CLPB: variants seen among roughly 807,000 people sequenced by gnomAD.
CLPB encodes the protein ClpB family mitochondrial disaggregase.
A neutral mutation model predicts 78.4 loss-of-function variants in CLPB; 40 were observed. The observed-to-expected ratio is 0.51, with a 90% CI of 0.40 to 0.66. The LOEUF is 0.66. CLPB is among the 30% of genes least tolerant of loss of function. CLPB has a pLI of 0.00. For synonymous variants in CLPB, 333 were observed against 348.0 expected, an observed-to-expected ratio of 0.96 and a Z score of 0.48; for missense variants, 780 against 886.9, an observed-to-expected ratio of 0.88 and a Z score of 1.53.
chr11:72,359,664 C>T (rs147956588), intron 4 of CLPB, among the ~76,000 whole-genome samples: 1 of 152,262 alleles, frequency 6.6e-6, no homozygotes, highest in East Asian at 1.9e-4. Flanking sequence ...ATCTCAGTGA[C>T]TTGAGAAACT....
intron 2 of CLPB, chr11:72,412,109 A>C (rs1182286958): frequency 6.6e-6 from 1 of 152,284 alleles, no homozygotes; most frequent in Non-Finnish European, 1.5e-5. Flanking sequence ...AAGGGAGCAA[A>C]GGCTGCTCAT....
chr11:72,304,834 A>C (rs1240087150), intron 9 of CLPB, among the ~76,000 whole-genome samples: 2 of 152,156 alleles, frequency 1.3e-5, no homozygotes, highest in Non-Finnish European at 2.9e-5. Context: ...CTGTTTGGTA[A>C]AAGTCTATTT....
intron 3 of CLPB, among the ~76,000 whole-genome samples, chr11:72,402,479 T>A (rs1044722585): frequency 1.3e-5 from 2 of 152,154 alleles, no homozygotes; most frequent in Non-Finnish European, 2.9e-5. Flanking sequence ...GCTACAACCC[T>A]GATAGGATGG....
chr11:72,364,780 AT>A (rs1950910919), intron 4 of CLPB, among the ~76,000 whole-genome samples: 1 of 152,250 alleles, frequency 6.6e-6, no homozygotes, highest in African/African-American at 2.4e-5. Flanking sequence ...TAGAAAGACC[AT>A]GGGGGCTGGA....
At chr11:72,430,475 A>G in intron 1 of CLPB, 112 bp from the exon 2 acceptor site, 1 of 803,998 alleles carries the variant, frequency 1.2e-6, no homozygotes, top group Non-Finnish European at 2.0e-6. Flanking sequence ...GGACTTTGAC[A>G]AGCAAACTGA....
At chr11:72,425,706 T>C (rs1160088328) in intron 2 of CLPB, among the ~76,000 whole-genome samples, 1 of 152,190 alleles carries the variant, frequency 6.6e-6, no homozygotes, top group Non-Finnish European at 1.5e-5. Context: ...CAGACTGTGA[T>C]CCAGCAACAC....
chr11:72,341,535 A>T (rs1950420387), intron 5 of CLPB, among the ~76,000 whole-genome samples: 1 of 152,232 alleles, frequency 6.6e-6, no homozygotes, highest in Non-Finnish European at 1.5e-5. Context: ...AATGAGTTGG[A>T]TCTTGAAGGC....
At chr11:72,376,707 T>C (rs1184433529) in intron 4 of CLPB, among the ~76,000 whole-genome samples, 1 of 152,140 alleles carries the variant, frequency 6.6e-6, no homozygotes, top group Non-Finnish European at 1.5e-5. Context: ...GGTCTTGCTC[T>C]GTCACCCAGG....
intron 2 of CLPB, chr11:72,410,622 T>G (rs1332528410): frequency 6.6e-6 from 1 of 152,182 alleles, no homozygotes; most frequent in Non-Finnish European, 1.5e-5. Flanking sequence ...ACACAGTAAG[T>G]GCTCCAAATT....
chr11:72,319,760 G>A (rs1312308128), intron 6 of CLPB, among the ~76,000 whole-genome samples: 4 of 152,148 alleles, frequency 2.6e-5, no homozygotes, highest in Non-Finnish European at 5.9e-5. Flanking sequence ...AGCATTAAGA[G>A]GTAGTCTGAG....
intron 6 of CLPB, among the ~76,000 whole-genome samples, chr11:72,321,953 T>C (rs544524903): frequency 6.1e-4 from 84 of 138,298 alleles, no homozygotes; most frequent in African/African-American, 2.3e-3. Context: ...AACAAGGGGG[T>C]AACAGATGAG....
chr11:72,331,115 T>A (rs978526488), intron 5 of CLPB, among the ~76,000 whole-genome samples: 16 of 151,976 alleles, frequency 1.1e-4, no homozygotes, highest in South Asian at 1.0e-3. Context: ...ATCAAAAAAA[T>A]TTTTTTTGGC....
At chr11:72,374,863 T>C (rs889755278) in intron 4 of CLPB, among the ~76,000 whole-genome samples, 1 of 152,238 alleles carries the variant, frequency 6.6e-6, no homozygotes, top group Non-Finnish European at 1.5e-5. Context: ...ATCCTTTCTT[T>C]GGGCAATTTT....
At position 72,385,684 on chromosome 11, in the gene CLPB, G is replaced by A. The variant is rs139750674; in HGVS notation, c.543-5300C>T. 7.5e-3 allele frequency among the ~76,000 whole-genome samples: 1,143 copies of A among 152,262 alleles called. 5 individuals carry two copies. The highest frequency in any genetic ancestry group is 0.025 in the African/African-American group (1,056 of 41,564). On this transcript the variant is annotated intron_variant, in intron 3 of 15. Coordinates refer to ENST00000538039, the MANE Select transcript of CLPB (RefSeq NM_001258392.3). ...CTAAAAATACAAAAATTATCTGGGC[G>A]TGGTGGTGTATGTCTGTAATCCCAG...
intron 4 of CLPB, among the ~76,000 whole-genome samples, chr11:72,375,906 C>T (rs781303962): frequency 1.3e-5 from 2 of 152,166 alleles, no homozygotes; most frequent in Admixed American, 6.5e-5. Context: ...AATACTGATA[C>T]GGAAGAAAAG....
intron 2 of CLPB, among the ~76,000 whole-genome samples, chr11:72,405,212 C>T (rs1474993715): frequency 6.6e-6 from 1 of 152,218 alleles, no homozygotes; most frequent in African/African-American, 2.4e-5. Context: ...CAGGGTATGA[C>T]TGCGAAGCAG....
chr11:72,403,081 T>A (rs934356419), intron 2 of CLPB, 29 bp from the exon 3 acceptor site: 11 of 1,596,936 alleles, frequency 6.9e-6, no homozygotes, highest in Admixed American at 6.7e-5. Flanking sequence ...ATATTTTCAG[T>A]GTATGGCTTG....
chr11:72,403,319 A>G (rs1855618272), intron 2 of CLPB, among the ~76,000 whole-genome samples: 2 of 152,138 alleles, frequency 1.3e-5, no homozygotes, highest in Admixed American at 1.3e-4. Flanking sequence ...CTTCCCTTAA[A>G]TCAGTCTGTC....
chr11:72,301,917 C>T lies in CLPB; in HGVS notation c.1215G>A (p.Glu405=). The change falls in exon 11 of 16, where the codon GAG becomes GAA. Residue 405 remains glutamate (E), a synonymous_variant. Coordinates refer to ENST00000538039, the MANE Select transcript of CLPB (RefSeq NM_001258392.3). ...GSPPGYVGHE[E]GGQLTKKLKQ... ...TCAACTTCTTGGTCAGCTGGCCACCCTCCTCATGGCCAACGTAGCCTGGTG... is the reference window on the plus strand; with the variant it reads ...TCAACTTCTTGGTCAGCTGGCCACCTTCCTCATGGCCAACGTAGCCTGGTG... 6.2e-7 allele frequency: 1 copy of T among 1,614,178 alleles called. No homozygotes were observed. Among genetic ancestry groups the T allele is most frequent in the Non-Finnish European group, 8.5e-7 (1 of 1,180,016 alleles).
Sources: allele counts gnomAD v4.1 joint callset (sites outside exome capture counted in the v4.1 genomes callset), GRCh38; gene constraint gnomAD v4.1.1; transcripts MANE v1.5; gene names NCBI Gene and HGNC (gene_info 2026-07-23, HGNC 2026-07-21).